Variants in PRR16 observed in about 807,000 individuals in gnomAD.
PRR16 encodes the protein protein Largen.
In PRR16, 6 loss-of-function variants were observed where a neutral mutation model predicts 18.2. The ratio of observed to expected loss-of-function variants is 0.33; its 90% CI spans 0.18 to 0.65. PRR16 has a LOEUF of 0.65. PRR16 is among the 30% of genes least tolerant of loss of function. The pLI is 0.74. For synonymous variants in PRR16, 151 were observed against 147.8 expected, an observed-to-expected ratio of 1.02 and a Z score of -0.16; for missense variants, 412 against 376.6, an observed-to-expected ratio of 1.09 and a Z score of -0.78.
chr5:120,488,862 G>T (rs200162844), intron 1 of PRR16, among the ~76,000 whole-genome samples: 1 of 151,958 alleles, frequency 6.6e-6, no homozygotes, highest in African/African-American at 2.4e-5. Context: ...CTTTGTTCTC[G>T]TTGGTTTCAA....
intron 1 of PRR16, among the ~76,000 whole-genome samples, chr5:120,481,960 G>T (rs1032872289): frequency 2.6e-5 from 4 of 151,924 alleles, no homozygotes; most frequent in Non-Finnish European, 4.4e-5. Context: ...TTGTTGTTAT[G>T]AGTGCCATAA....
At chr5:120,530,281 A>ATATTTATTTATT (rs1280890843) in intron 1 of PRR16, among the ~76,000 whole-genome samples, 3 of 92,694 alleles carry the variant, frequency 3.2e-5, no homozygotes, top group African/African-American at 1.3e-4. Context: ...ATATATATAT[A>ATATTTATTTATT]TATTTATTTA....
At chr5:120,753,971 TATATA>T in the PRR16 span, among the ~76,000 whole-genome samples, 609 of 110,582 alleles carry the variant, frequency 5.5e-3, 3 homozygotes, top group African/African-American at 0.013. Context: ...TAATATATGT[TATATA>T]ATATAATATA....
At chr5:120,567,282 G>C (rs1752767299) in intron 1 of PRR16, among the ~76,000 whole-genome samples, 1 of 152,060 alleles carries the variant, frequency 6.6e-6, no homozygotes, top group Admixed American at 6.5e-5. Context: ...AGCACAATCT[G>C]CTTGCCTAGG....
the PRR16 span, among the ~76,000 whole-genome samples, chr5:120,735,286 A>T: frequency 2.0e-4 from 31 of 152,134 alleles, no homozygotes; most frequent in African/African-American, 6.3e-4. Context: ...TGTTGCTTCC[A>T]CCTCTTGGCT....
At chr5:120,533,521 A>G (rs1751618233) in intron 1 of PRR16, among the ~76,000 whole-genome samples, 1 of 152,148 alleles carries the variant, frequency 6.6e-6, no homozygotes, top group African/African-American at 2.4e-5. Flanking sequence ...TTTCAGTAGA[A>G]TAATTGTGGA....
chr5:120,788,749 A>T, the PRR16 span, among the ~76,000 whole-genome samples: 1 of 152,040 alleles, frequency 6.6e-6, no homozygotes, highest in East Asian at 1.9e-4. Context: ...TTTCATGAAC[A>T]CCTTTAGTAA....
chr5:120,488,185 C>T (rs919947278), intron 1 of PRR16, among the ~76,000 whole-genome samples: 2 of 152,144 alleles, frequency 1.3e-5, no homozygotes, highest in Non-Finnish European at 2.9e-5. Context: ...GGAGGTTTCC[C>T]TCTTTTTCTG....
chr5:120,708,288 A>G, the PRR16 span, among the ~76,000 whole-genome samples: 4 of 152,232 alleles, frequency 2.6e-5, no homozygotes, highest in African/African-American at 7.2e-5. Flanking sequence ...ATGAAAGACA[A>G]AAAGTTCCTC....
Position 120,590,058 on chromosome 5 carries a change from T to G in PRR16, c.160-95896T>G, listed in dbSNP as rs147844883. On this transcript the variant is annotated intron_variant, in intron 1 of 1. Coordinates refer to ENST00000407149, the MANE Select transcript of PRR16 (RefSeq NM_001300783.2). ...ACTTATTAGGACCTGAAGAGCTAGG[T>G]TTTTTGTTTCATTTACAACACATGA... 5.9e-3 allele frequency among the ~76,000 whole-genome samples: 896 copies of G among 152,270 alleles called. 9 individuals carry two copies. The highest frequency in any genetic ancestry group is 9.9e-3 in the Admixed American group (151 of 15,282).
At chr5:120,529,342 AT>A (rs1247113397) in intron 1 of PRR16, among the ~76,000 whole-genome samples, 1 of 152,146 alleles carries the variant, frequency 6.6e-6, no homozygotes, top group Admixed American at 6.6e-5. Context: ...GTAGCTACCT[AT>A]TTTTTTCTTT....
At chr5:120,657,641 G>A (rs1756027519) in intron 1 of PRR16, among the ~76,000 whole-genome samples, 1 of 151,930 alleles carries the variant, frequency 6.6e-6, no homozygotes, top group Non-Finnish European at 1.5e-5. Flanking sequence ...AGCTAAACAA[G>A]TGGCTTCTCT....
chr5:120,748,831 A>G, the PRR16 span, among the ~76,000 whole-genome samples: 2 of 152,136 alleles, frequency 1.3e-5, no homozygotes, highest in African/African-American at 2.4e-5. Context: ...AGACCCAGGG[A>G]CTATGAGAGC....
chr5:120,572,573 A>G (rs2112738210), intron 1 of PRR16, among the ~76,000 whole-genome samples: 1 of 152,256 alleles, frequency 6.6e-6, no homozygotes, highest in Admixed American at 6.5e-5. Flanking sequence ...TCAGGAGATG[A>G]GGAAAGAGCT....
chr5:120,794,139 A>G, the PRR16 span, among the ~76,000 whole-genome samples: 1 of 152,118 alleles, frequency 6.6e-6, no homozygotes, highest in African/African-American at 2.4e-5. Flanking sequence ...CATCAACAGG[A>G]AAGATTTACT....
chr5:120,511,758 T>C (rs1325888442), intron 1 of PRR16, among the ~76,000 whole-genome samples: 1 of 152,204 alleles, frequency 6.6e-6, no homozygotes, highest in Non-Finnish European at 1.5e-5. Flanking sequence ...AAACACTAGC[T>C]AGGCAACAGA....
chr5:120,551,405 G>T (rs1752249648), intron 1 of PRR16, among the ~76,000 whole-genome samples: 1 of 151,972 alleles, frequency 6.6e-6, no homozygotes, highest in East Asian at 1.9e-4. Context: ...TTCGCTAACT[G>T]GTTGTGAGAC....
At chr5:120,676,536 G>T (rs922509918) in intron 1 of PRR16, among the ~76,000 whole-genome samples, 1 of 151,588 alleles carries the variant, frequency 6.6e-6, no homozygotes, top group Non-Finnish European at 1.5e-5. Flanking sequence ...GTGTGTGTGT[G>T]TGTGTGTGTG....
rs573509851 is a variant in PRR16 at position 120,483,828 on chromosome 5, G to C, written c.159+19183G>C. On this transcript the variant is annotated intron_variant, in intron 1 of 1. Coordinates refer to ENST00000407149, the MANE Select transcript of PRR16 (RefSeq NM_001300783.2). ...TGGCCAAGAACCTGGAATTAAGTGGGCAAAGAAATACCTACAGTTGGTGTA... is the reference window on the plus strand; with the variant it reads ...TGGCCAAGAACCTGGAATTAAGTGGCCAAAGAAATACCTACAGTTGGTGTA... 6.2e-4 allele frequency among the ~76,000 whole-genome samples: 95 copies of C among 152,112 alleles called. 1 individual carries two copies. Among genetic ancestry groups the C allele is most frequent in the African/African-American group, 2.2e-3 (91 of 41,532 alleles).
Sources: allele counts gnomAD v4.1 joint callset (sites outside exome capture counted in the v4.1 genomes callset), GRCh38; gene constraint gnomAD v4.1.1; transcripts MANE v1.5; gene names NCBI Gene and HGNC (gene_info 2026-07-23, HGNC 2026-07-21).